HECW1: variants seen among roughly 807,000 people sequenced by gnomAD.
HECW1 encodes HECT, C2 and WW domain containing E3 ubiquitin protein ligase 1.
In HECW1, 61 loss-of-function variants were observed where a neutral mutation model predicts 182.3. The observed-to-expected ratio is 0.33, with a 90% CI of 0.27 to 0.41. The LOEUF is 0.41. HECW1 is among the 10% of genes least tolerant of loss of function. The probability of loss-of-function intolerance (pLI) is 1.00; values close to 1 mark genes in which losing one functional copy is unlikely to be tolerated. For missense variants in HECW1, 1,739 were observed against 2,108.9 expected (o/e 0.82, Z 3.44); for synonymous variants, 859 against 832.6 (o/e 1.03, Z -0.55).
At chr7:43,253,442 A>G (rs1466304651) in intron 3 of HECW1, among the ~76,000 whole-genome samples, 1 of 152,238 alleles carries the variant, frequency 6.6e-6, no homozygotes, top group Non-Finnish European at 1.5e-5. Context: ...TTTCTCAAAT[A>G]CAAGCCTTAC....
intron 2 of HECW1, among the ~76,000 whole-genome samples, chr7:43,176,254 C>G (rs1419642344): frequency 6.6e-6 from 1 of 152,090 alleles, no homozygotes; most frequent in Non-Finnish European, 1.5e-5. Flanking sequence ...TCCTTTTGCT[C>G]TGCCATATTT....
intron 3 of HECW1, among the ~76,000 whole-genome samples, chr7:43,257,925 A>T (rs765042730): frequency 3.9e-5 from 6 of 152,212 alleles, no homozygotes; most frequent in Non-Finnish European, 7.3e-5. Context: ...GCAGGTTTTC[A>T]TTAAGTGCTC....
intron 2 of HECW1, among the ~76,000 whole-genome samples, chr7:43,189,815 C>T (rs4437556): frequency 0.33 from 49,870 of 152,032 alleles, 9,152 homozygotes; most frequent in Non-Finnish European, 0.41. Context: ...TAAGTAGATA[C>T]GTCTCATAAA....
At chr7:43,500,822 C>T (rs1279773361) in intron 20 of HECW1, 40 bp downstream of exon 20, 1 of 1,508,718 alleles carries the variant, frequency 6.6e-7, no homozygotes, top group Non-Finnish European at 9.2e-7. Flanking sequence ...AAAAGCTTCC[C>T]TGGGCAGCTC....
intron 2 of HECW1, among the ~76,000 whole-genome samples, chr7:43,154,573 G>A (rs151147282): frequency 6.6e-6 from 1 of 152,236 alleles, no homozygotes; most frequent in African/African-American, 2.4e-5. Context: ...TTACACCTTA[G>A]GTGTATTTGT....
intron 7 of HECW1, among the ~76,000 whole-genome samples, chr7:43,406,462 A>C (rs1310736123): frequency 6.6e-6 from 1 of 152,200 alleles, no homozygotes; most frequent in Non-Finnish European, 1.5e-5. Flanking sequence ...TATGAAAACA[A>C]CTGTGCTTTT....
chr7:43,382,832 T>A (rs902200388), intron 6 of HECW1, among the ~76,000 whole-genome samples: 2 of 152,172 alleles, frequency 1.3e-5, no homozygotes, highest in African/African-American at 4.8e-5. Flanking sequence ...GTTACATAGG[T>A]ATACATGTGC....
intron 2 of HECW1, among the ~76,000 whole-genome samples, chr7:43,187,840 C>T (rs928161983): frequency 8.5e-5 from 13 of 152,050 alleles, no homozygotes; most frequent in African/African-American, 1.5e-4. Flanking sequence ...CTCTATATCT[C>T]CTACCCCAAA....
chr7:43,430,247 A>G (rs955259838), intron 8 of HECW1, among the ~76,000 whole-genome samples: 3 of 152,154 alleles, frequency 2.0e-5, no homozygotes, highest in Admixed American at 6.5e-5. Flanking sequence ...TGATTGTAGC[A>G]TCACCCTCAC....
At chr7:43,210,864 C>T (rs773688879) in intron 2 of HECW1, among the ~76,000 whole-genome samples, 25 of 152,264 alleles carry the variant, frequency 1.6e-4, no homozygotes, top group South Asian at 4.1e-4. Context: ...CAATGGTGGA[C>T]GGCGAGCGAA....
intron 2 of HECW1, among the ~76,000 whole-genome samples, chr7:43,214,142 T>A (rs531505335): frequency 6.6e-6 from 1 of 151,958 alleles, no homozygotes; most frequent in Non-Finnish European, 1.5e-5. Context: ...ATTTCTATAG[T>A]TTTTCTAGTT....
intron 2 of HECW1, among the ~76,000 whole-genome samples, chr7:43,122,880 ATTCTGG>A (rs548682682): frequency 7.5e-4 from 115 of 152,342 alleles, no homozygotes; most frequent in African/African-American, 2.6e-3. Context: ...AATTTTTAAA[ATTCTGG>A]TTATTTTCAA....
intron 6 of HECW1, among the ~76,000 whole-genome samples, chr7:43,382,895 T>A (rs2074614019): frequency 6.6e-6 from 1 of 152,190 alleles, no homozygotes; most frequent in South Asian, 2.1e-4. Context: ...AAGCCCCACA[T>A]GCATTAGGGG....
chr7:43,193,369 C>T (rs1794121878), intron 2 of HECW1, among the ~76,000 whole-genome samples: 1 of 151,944 alleles, frequency 6.6e-6, no homozygotes, highest in Admixed American at 6.6e-5. Context: ...TTATATCTTC[C>T]TATCTTACTT....
intron 2 of HECW1, among the ~76,000 whole-genome samples, chr7:43,169,859 A>G (rs1306264964): frequency 6.6e-6 from 1 of 151,840 alleles, no homozygotes; most frequent in Non-Finnish European, 1.5e-5. Flanking sequence ...TCATGATGCC[A>G]ATTCCCCACC....
chr7:43,317,447 C>T (rs1325972475), intron 4 of HECW1, among the ~76,000 whole-genome samples: 2 of 152,260 alleles, frequency 1.3e-5, no homozygotes, highest in Non-Finnish European at 1.5e-5. Flanking sequence ...AGGCAGTTAT[C>T]CTGATTCCAG....
intron 2 of HECW1, among the ~76,000 whole-genome samples, chr7:43,122,371 T>A (rs887118556): frequency 5.9e-5 from 9 of 152,172 alleles, no homozygotes; most frequent in Non-Finnish European, 2.9e-5. Context: ...CTTACCAATA[T>A]CTGAGGAGCT....
chr7:43,325,096 A>C (rs1384764087), intron 5 of HECW1, among the ~76,000 whole-genome samples: 1 of 152,226 alleles, frequency 6.6e-6, no homozygotes, highest in African/African-American at 2.4e-5. Context: ...TACCTGATAA[A>C]AATACTAAAG....
At chr7:43,248,914 T>G (rs56040296) in intron 3 of HECW1, 47,417 of 152,484 alleles carry the variant, frequency 0.31, 10,572 homozygotes, top group African/African-American at 0.64. Context: ...CTTAGGGGCC[T>G]CCCTGCCTCC....
Sources: gnomAD v4.1 joint callset for allele counts (sites outside exome capture counted in the v4.1 genomes callset) on GRCh38, gnomAD v4.1.1 for gene constraint, MANE v1.5 for transcripts, NCBI Gene and HGNC (gene_info 2026-07-23, HGNC 2026-07-21) for gene names.